The following SEMA6D variants were observed in gnomAD, a reference collection of about 807,000 sequenced individuals.
SEMA6D encodes semaphorin 6D, also known as semaphorin-6D.
SEMA6D carries 35 observed loss-of-function variants against 106.6 expected under a neutral mutation model. The ratio of observed to expected loss-of-function variants is 0.33; its 90% CI spans 0.25 to 0.44. SEMA6D has a LOEUF of 0.44. Among genes scored for constraint, SEMA6D ranks in the 20% least tolerant of loss-of-function variants. The pLI, the probability that SEMA6D is intolerant of heterozygous loss-of-function variation, is 1.00. For missense variants in SEMA6D, 1,185 were observed against 1,345.9 expected, an observed-to-expected ratio of 0.88 and a Z score of 1.87; for synonymous variants, 499 against 487.7, an observed-to-expected ratio of 1.02 and a Z score of -0.31.
intron 1 of SEMA6D, among the ~76,000 whole-genome samples, chr15:47,750,619 A>G (rs1286378452): frequency 6.6e-6 from 1 of 152,214 alleles, no homozygotes. Flanking sequence ...GCAGGGCTTC[A>G]GCTGTGTGGA....
At chr15:47,263,845 G>A (rs1457108161) in intron 1 of SEMA6D, among the ~76,000 whole-genome samples, 1 of 150,486 alleles carries the variant, frequency 6.6e-6, no homozygotes, top group Non-Finnish European at 1.5e-5. Context: ...CCATTACTAG[G>A]TATATACCCA....
chr15:47,570,845 G>A (rs1174227857), intron 3 of SEMA6D, among the ~76,000 whole-genome samples: 1 of 152,222 alleles, frequency 6.6e-6, no homozygotes, highest in Non-Finnish European at 1.5e-5. Context: ...GCATTAGTGG[G>A]TTGGAAGAGG....
At position 47,570,258 on chromosome 15, in the gene SEMA6D, C is replaced by T. The variant is rs1258538809; in HGVS notation, c.-86-30607C>T. Reference sequence around the variant, plus strand: ...TTTGTGCCCTGTGATTGAGGAAATGCGGAGACCTGTGGACTCATAAAGGCT... The same window carrying T: ...TTTGTGCCCTGTGATTGAGGAAATGTGGAGACCTGTGGACTCATAAAGGCT... On this transcript the variant is annotated intron_variant, in intron 3 of 19. Transcript: ENST00000558014. 5.3e-5 allele frequency among the ~76,000 whole-genome samples: 8 copies of T among 152,212 alleles called. No individual in the cohort carries two copies. The South Asian group carries it at 8.3e-4, about 16-fold the overall frequency.
intron 4 of SEMA6D, among the ~76,000 whole-genome samples, chr15:47,675,499 G>C (rs1370945516): frequency 6.6e-6 from 1 of 152,068 alleles, no homozygotes; most frequent in Non-Finnish European, 1.5e-5. Context: ...GGGAAAACTA[G>C]CCTGCTGACA....
intron 1 of SEMA6D, chr15:47,359,775 T>C (rs1169588819): frequency 1.3e-5 from 2 of 152,124 alleles, no homozygotes; most frequent in Non-Finnish European, 2.9e-5. Context: ...TCAGAGATTA[T>C]TTGTCAGAAT....
intron 1 of SEMA6D, among the ~76,000 whole-genome samples, chr15:47,279,923 G>A (rs1477095087): frequency 6.6e-6 from 1 of 150,770 alleles, no homozygotes; most frequent in Non-Finnish European, 1.5e-5. Flanking sequence ...ACTGGATTCG[G>A]TTTGCCAGTA....
chr15:47,648,278 G>A (rs1299951872), intron 4 of SEMA6D, among the ~76,000 whole-genome samples: 4 of 152,112 alleles, frequency 2.6e-5, no homozygotes, highest in East Asian at 1.9e-4. Context: ...CTGGTGCTCC[G>A]ATTTCCTCTC....
chr15:47,567,548 C>G (rs1418332403), intron 3 of SEMA6D, among the ~76,000 whole-genome samples: 1 of 152,188 alleles, frequency 6.6e-6, no homozygotes, highest in African/African-American at 2.4e-5. Context: ...TTCTTTCCCT[C>G]TCTTCATTTA....
intron 4 of SEMA6D, among the ~76,000 whole-genome samples, chr15:47,625,171 G>C (rs938176215): frequency 5.3e-5 from 8 of 152,120 alleles, no homozygotes; most frequent in South Asian, 2.1e-4. Flanking sequence ...AGATTTTTTG[G>C]GGGGAGAAAA....
At chr15:47,617,800 A>T (rs1566938349) in intron 4 of SEMA6D, among the ~76,000 whole-genome samples, 1 of 152,216 alleles carries the variant, frequency 6.6e-6, no homozygotes, top group Non-Finnish European at 1.5e-5. Flanking sequence ...GAGTTAATCT[A>T]TATAAACACT....
In SEMA6D at chr15:47,644,140, T is replaced by A. The variant is rs375246627; in HGVS notation, c.-55+43244T>A. ...TTGCTGTGAAATGGTTAAAAAAAAATCAAAGATCAAAGTGTGTGCACCATT... is the reference window on the plus strand; with the variant it reads ...TTGCTGTGAAATGGTTAAAAAAAAAACAAAGATCAAAGTGTGTGCACCATT... On this transcript the variant is annotated intron_variant, in intron 4 of 19. Transcript: ENST00000558014. Among the ~76,000 whole-genome samples the A allele has an allele frequency of 9.2e-5, 14 of 152,210 alleles. No individual in the cohort carries two copies. The East Asian group carries it at 1.5e-3, about 17-fold the overall frequency.
chr15:47,704,785 T>C (rs1024314274), intron 4 of SEMA6D, among the ~76,000 whole-genome samples: 1 of 152,178 alleles, frequency 6.6e-6, no homozygotes, highest in Non-Finnish European at 1.5e-5. Context: ...ACAGTAGCAA[T>C]TGATGATTGA....
At chr15:47,685,488 G>A (rs570692232) in intron 4 of SEMA6D, among the ~76,000 whole-genome samples, 133 of 152,316 alleles carry the variant, frequency 8.7e-4, no homozygotes, top group African/African-American at 3.1e-3. Context: ...TCATTGAAGG[G>A]GTGAGGAAGG....
chr15:47,254,329 G>GTATA (rs201817469), intron 1 of SEMA6D, among the ~76,000 whole-genome samples: 2,354 of 132,548 alleles, frequency 0.018, 41 homozygotes, highest in Admixed American at 0.05. Context: ...ATGTGTGTGT[G>GTATA]TGTATATATA....
chr15:47,388,731 TAAATTA>T (rs2039929142), intron 1 of SEMA6D, among the ~76,000 whole-genome samples: 1 of 152,132 alleles, frequency 6.6e-6, no homozygotes, highest in Non-Finnish European at 1.5e-5. Context: ...CACCACTGTA[TAAATTA>T]AAATTAAATG....
At chr15:47,218,833 C>T (rs1383100688) in intron 1 of SEMA6D, among the ~76,000 whole-genome samples, 1 of 152,186 alleles carries the variant, frequency 6.6e-6, no homozygotes, top group Non-Finnish European at 1.5e-5. Context: ...TCTTGGAGAA[C>T]AGGTAATAGG....
chr15:47,314,577 G>C (rs62000201), intron 1 of SEMA6D, among the ~76,000 whole-genome samples: 2 of 87,260 alleles, frequency 2.3e-5, no homozygotes, highest in Non-Finnish European at 4.9e-5. Flanking sequence ...CAGCCTGGGC[G>C]ACAGAGCGAG....
intron 1 of SEMA6D, among the ~76,000 whole-genome samples, chr15:47,238,790 G>A (rs751491515): frequency 2.0e-5 from 3 of 152,104 alleles, no homozygotes; most frequent in Non-Finnish European, 4.4e-5. Context: ...CAGAGTGGCC[G>A]ACAAGTCATC....
At chr15:47,404,369 A>G (rs2040493117) in intron 1 of SEMA6D, among the ~76,000 whole-genome samples, 1 of 152,172 alleles carries the variant, frequency 6.6e-6, no homozygotes. Context: ...ACTGTAGGGT[A>G]GGTATTCTCC....
Sources: allele counts gnomAD v4.1 joint callset (sites outside exome capture counted in the v4.1 genomes callset), GRCh38; gene constraint gnomAD v4.1.1; transcripts MANE v1.5; gene names NCBI Gene and HGNC (gene_info 2026-07-23, HGNC 2026-07-21).